The following GRIA1 variants were observed in gnomAD, a reference collection of about 807,000 sequenced individuals.
GRIA1 encodes the protein glutamate ionotropic receptor AMPA type subunit 1, also known as glutamate receptor 1.
Under a neutral mutation model 99.2 loss-of-function variants are expected in GRIA1, and 31 were observed. The ratio of observed to expected loss-of-function variants is 0.31; its 90% CI spans 0.23 to 0.42. The LOEUF (loss-of-function observed/expected upper bound fraction) is 0.42. Among genes scored for constraint, GRIA1 ranks in the 10% least tolerant of loss-of-function variants. The probability of loss-of-function intolerance (pLI) is 1.00; values close to 1 mark genes in which losing one functional copy is unlikely to be tolerated. For synonymous variants in GRIA1, 438 were observed against 432.4 expected (o/e 1.01, Z -0.16); for missense variants, 782 against 1,157.5 (o/e 0.68, Z 4.71).
intron 2 of GRIA1, among the ~76,000 whole-genome samples, chr5:153,590,819 T>C (rs1763906545): frequency 6.6e-6 from 1 of 152,234 alleles, no homozygotes; most frequent in Admixed American, 6.5e-5. Context: ...CCTATGTCTA[T>C]AAATGTTTGT....
chr5:153,783,028 G>C (rs535287533), intron 13 of GRIA1, among the ~76,000 whole-genome samples: 1 of 152,294 alleles, frequency 6.6e-6, no homozygotes, highest in African/African-American at 2.4e-5. Flanking sequence ...TCAGGCTGGA[G>C]GTGGGAGACC....
chr5:153,501,385 G>T (rs147065858), intron 2 of GRIA1, among the ~76,000 whole-genome samples: 1 of 152,136 alleles, frequency 6.6e-6, no homozygotes, highest in African/African-American at 2.4e-5. Flanking sequence ...GAACCAGCTC[G>T]TGCAGGAGGA....
intron 2 of GRIA1, among the ~76,000 whole-genome samples, chr5:153,511,898 C>A (rs1756115840): frequency 6.6e-6 from 1 of 152,204 alleles, no homozygotes; most frequent in Non-Finnish European, 1.5e-5. Context: ...TGCCATGCTT[C>A]TTTTCCTCGT....
chr5:153,493,667 CT>C (rs1754135847), intron 1 of GRIA1, among the ~76,000 whole-genome samples: 1 of 152,192 alleles, frequency 6.6e-6, no homozygotes. Flanking sequence ...TTTTCTCTGA[CT>C]TTAGCTGAGT....
intron 10 of GRIA1, among the ~76,000 whole-genome samples, chr5:153,702,324 A>C (rs1236536810): frequency 2.6e-5 from 4 of 152,142 alleles, no homozygotes; most frequent in Non-Finnish European, 1.5e-5. Flanking sequence ...GCAGAAAGAG[A>C]GTGAGCTTTG....
intron 10 of GRIA1, among the ~76,000 whole-genome samples, chr5:153,704,527 AC>A (rs1423820047): frequency 6.6e-6 from 1 of 152,168 alleles, no homozygotes; most frequent in Non-Finnish European, 1.5e-5. Flanking sequence ...ATTTCTTGCA[AC>A]CTTTTTATGT....
At chr5:153,518,142 A>G (rs754774880) in intron 2 of GRIA1, among the ~76,000 whole-genome samples, 6 of 152,208 alleles carry the variant, frequency 3.9e-5, no homozygotes, top group Non-Finnish European at 7.3e-5. Context: ...TTCCCTGAAC[A>G]CTTAATCTAA....
At position 153,629,739 on chromosome 5, in the gene GRIA1, T is replaced by A. The variant is rs142431743; in HGVS notation, c.221-17189T>A. On this transcript the variant is annotated intron_variant, in intron 2 of 15. Transcript: ENST00000285900. ...GGAAATCTGCCCTCTTCTCCCTCTT[T>A]AAGGGATTGCCCTTCCCTCTGAATG... 8.6e-3 allele frequency among the ~76,000 whole-genome samples: 1,313 copies of A among 152,372 alleles called. 10 individuals are homozygous for A. Among genetic ancestry groups the A allele is most frequent in the Non-Finnish European group, 0.015 (1,023 of 68,022 alleles).
chr5:153,767,200 C>A lies in GRIA1; in HGVS notation c.2022+2568C>A, dbSNP rs1477536753. On this transcript the variant is annotated intron_variant, in intron 12 of 15. Coordinates refer to ENST00000285900, the MANE Select transcript of GRIA1 (RefSeq NM_000827.4). The stretch of plus-strand genomic sequence containing the variant: ...CATTGCACTACTTACAGAATGCCTT[C>A]TTGTGCCAGGCACTGGGTTATGCCT... Among the ~76,000 whole-genome samples, 3 of 152,226 alleles carry A rather than the reference C, an allele frequency of 2.0e-5. No homozygotes were observed. The East Asian group carries it at 5.8e-4, about 29-fold the overall frequency.
At chr5:153,548,075 G>T (rs1759775688) in intron 2 of GRIA1, among the ~76,000 whole-genome samples, 1 of 152,150 alleles carries the variant, frequency 6.6e-6, no homozygotes, top group South Asian at 2.1e-4. Flanking sequence ...TCACTTGCAT[G>T]AATTTTTACT....
intron 2 of GRIA1, among the ~76,000 whole-genome samples, chr5:153,550,842 AT>A (rs1256070814): frequency 1.3e-4 from 20 of 152,180 alleles, no homozygotes; most frequent in African/African-American, 4.6e-4. Flanking sequence ...AGAGGTTCTA[AT>A]TCAGTAGGTC....
At chr5:153,729,231 T>C (rs1760822248) in intron 11 of GRIA1, among the ~76,000 whole-genome samples, 2 of 149,830 alleles carry the variant, frequency 1.3e-5, no homozygotes, top group Non-Finnish European at 3.0e-5. Context: ...CTGGGGACTG[T>C]TGTGGGGTAG....
intron 2 of GRIA1, among the ~76,000 whole-genome samples, chr5:153,640,281 T>C (rs1410327243): frequency 6.6e-6 from 1 of 152,168 alleles, no homozygotes; most frequent in Non-Finnish European, 1.5e-5. Flanking sequence ...TTCTTCCACA[T>C]CTCCTTTTGC....
At chr5:153,688,825 T>C (rs1757528981) in intron 8 of GRIA1, among the ~76,000 whole-genome samples, 1 of 151,918 alleles carries the variant, frequency 6.6e-6, no homozygotes, top group African/African-American at 2.4e-5. Flanking sequence ...ATTCAAGTGA[T>C]TCTCCTGCCT....
At chr5:153,657,083 AC>A (rs1429968887) in intron 5 of GRIA1, among the ~76,000 whole-genome samples, 14 of 152,164 alleles carry the variant, frequency 9.2e-5, no homozygotes, top group Non-Finnish European at 2.1e-4. Flanking sequence ...AGCATATACC[AC>A]ATTTTCTTTA....
intron 2 of GRIA1, among the ~76,000 whole-genome samples, chr5:153,618,849 T>C (rs1493402): frequency 0.22 from 33,909 of 152,194 alleles, 4,318 homozygotes; most frequent in Non-Finnish European, 0.3. Flanking sequence ...TTCTGTATAT[T>C]ATGCTCTTTT....
Position 153,656,383 on chromosome 5 carries a change from TTATATATATA to T in GRIA1, c.699+533_699+542del, listed in dbSNP as rs60245651. 5.7e-4 allele frequency among the ~76,000 whole-genome samples: 53 copies of T among 92,664 alleles called. 3 individuals are homozygous for T. The East Asian group carries it at 9.9e-3, about 17-fold the overall frequency. The allele number at this position is 92,664 out of a possible 152,430, so 60.8% of individuals were successfully genotyped here. A position where few individuals can be genotyped will look rare whatever the true frequency, so the allele number is the denominator to read the frequency against. On this transcript the variant is annotated intron_variant, in intron 5 of 15. Coordinates refer to ENST00000285900, the MANE Select transcript of GRIA1 (RefSeq NM_000827.4). The stretch of plus-strand genomic sequence containing the variant: ...TTCTATATGGCATAGATAAGTTTGT[TTATATATATA>T]TATATATATATATATATATATTTGT...
intron 15 of GRIA1, among the ~76,000 whole-genome samples, chr5:153,808,312 G>A (rs1325152159): frequency 6.6e-6 from 1 of 152,064 alleles, no homozygotes; most frequent in Non-Finnish European, 1.5e-5. Flanking sequence ...ATGTCAAGGA[G>A]GGATAAGGGA....
intron 2 of GRIA1, among the ~76,000 whole-genome samples, chr5:153,578,306 T>G (rs1762756733): frequency 6.6e-6 from 1 of 151,914 alleles, no homozygotes. Flanking sequence ...CCTTACTGAG[T>G]AAAAGTGACA....
Sources: allele counts gnomAD v4.1 joint callset (sites outside exome capture counted in the v4.1 genomes callset), GRCh38; gene constraint gnomAD v4.1.1; transcripts MANE v1.5; gene names NCBI Gene and HGNC (gene_info 2026-07-23, HGNC 2026-07-21).